Variants in PPY observed in about 807,000 individuals in gnomAD.
PPY encodes the protein pancreatic polypeptide, also known as pancreatic polypeptide prohormone.
A neutral mutation model predicts 9.3 loss-of-function variants in PPY; 6 were observed. The ratio of observed to expected loss-of-function variants is 0.64; its 90% CI spans 0.35 to 1.27. The LOEUF (loss-of-function observed/expected upper bound fraction) is 1.27. Among genes scored for constraint, PPY ranks in the 50% most tolerant of loss-of-function variants. PPY has a pLI of 0.03. For synonymous variants in PPY, 58 were observed against 54.6 expected, an observed-to-expected ratio of 1.06 and a Z score of -0.27; for missense variants, 109 against 119.1, an observed-to-expected ratio of 0.91 and a Z score of 0.40.
In PPY at chr17:43,941,162, G is replaced by A. The variant is rs1164161391; in HGVS notation, c.244C>T (p.Pro82Ser). ...ACTCACCTGGGGACAGCAGCATGCG[G>A]GGACCCCCACTCCGAGAAGGCCAGC... ...DTLAFSEWGS[P>S]HAAVPRELSP... The change falls in exon 3 of 4, where the codon CCG becomes TCG. Residue 82 changes from proline (P) to serine (S), a missense_variant. Transcript: ENST00000225992. 2 of 1,551,674 alleles carry A rather than the reference G, an allele frequency of 1.3e-6. No individual in the cohort carries two copies. The highest frequency in any genetic ancestry group is 4.9e-5 in the East Asian group (2 of 40,910).
At chr17:43,941,373 G>A in intron 2 of PPY, 91 bp downstream of exon 2, 1 of 1,576,698 alleles carries the variant, frequency 6.3e-7, no homozygotes, top group Non-Finnish European at 8.7e-7. Flanking sequence ...AAGGGGCTGG[G>A]GCTGGGGCTG....
At position 43,940,965 on chromosome 17, in the gene PPY, G is replaced by A. The variant is rs1456739116; in HGVS notation, c.264-13C>T. On this transcript the variant is annotated splice_polypyrimidine_tract_variant and intron_variant, in intron 3 of 3. Transcript: ENST00000225992. ...CGGGCTGAGCTCCCTGTGAGGACAG[G>A]GCAGAACATGGCAGTGTAGGGGGTA... 5 of 1,605,910 alleles carry A rather than the reference G, an allele frequency of 3.1e-6. No homozygotes were observed. Among genetic ancestry groups the A allele is most frequent in the Non-Finnish European group, 3.4e-6 (4 of 1,176,506 alleles).
At position 43,941,445 on chromosome 17, in the gene PPY, C is replaced by T; in HGVS notation, c.191+19G>A. Reference sequence around the variant, plus strand: ...GGGTCCCAGGGGCTGGGATCTCTCTCCCCAACTGTGGCACACACCTAGGCC... The same window carrying T: ...GGGTCCCAGGGGCTGGGATCTCTCTTCCCAACTGTGGCACACACCTAGGCC... On this transcript the variant is annotated intron_variant, in intron 2 of 3. Transcript: ENST00000225992. The T allele has an allele frequency of 6.2e-6, 10 of 1,613,514 alleles. No homozygotes were observed. The highest frequency in any genetic ancestry group is 7.6e-6 in the Non-Finnish European group (9 of 1,179,892).
upstream of PPY, among the ~76,000 whole-genome samples, chr17:43,944,185 T>C (rs1176461609): frequency 1.3e-5 from 2 of 152,122 alleles, no homozygotes; most frequent in Admixed American, 6.5e-5. Flanking sequence ...GCTCCAACCC[T>C]AGTTAAAAGG....
chr17:43,941,738 C>G, intron 1 of PPY, 84 bp from the exon 2 acceptor site: 3 of 1,354,656 alleles, frequency 2.2e-6, no homozygotes, highest in Non-Finnish European at 2.0e-6. Context: ...TATCCAGCCC[C>G]TTAGCCCATC....
Position 43,941,143 on chromosome 17 carries a change from C to G in PPY, c.263G>C (p.Arg88Thr). ...AGACAGGGCAGGGAGTCAAACTCAC[C>G]TGGGGACAGCAGCATGCGGGGACCC... The part of the protein sequence containing the change: ...EWGSPHAAVP[R>T]ELSPLDL The change falls in exon 3 of 4, where the codon AGG becomes ACG. Residue 88 changes from arginine to threonine, a missense_variant and splice_region_variant. By Grantham distance (71) the Arg-to-Thr change is moderately conservative. Transcript: ENST00000225992. The G allele has an allele frequency of 6.4e-7, 1 of 1,551,676 alleles. No homozygotes were observed. The highest frequency in any genetic ancestry group is 8.7e-7 in the Non-Finnish European group (1 of 1,146,986).
intron 3 of PPY, 49 bp from the exon 4 acceptor site, chr17:43,941,001 C>A: frequency 6.3e-7 from 1 of 1,577,194 alleles, no homozygotes; most frequent in Non-Finnish European, 8.6e-7. Context: ...GGCCTCGTGC[C>A]CTCAGGAGGC....
chr17:43,941,259 C>T (rs1049757979), intron 2 of PPY, 45 bp from the exon 3 acceptor site: 22 of 1,544,054 alleles, frequency 1.4e-5, no homozygotes, highest in Non-Finnish European at 1.7e-5. Flanking sequence ...GCCCAGGTGC[C>T]AGCCCACCTG....
chr17:43,941,518 A>G lies in PPY; in HGVS notation c.137T>C (p.Met46Thr), dbSNP rs142571199. 1 of 1,614,074 alleles carries G rather than the reference A, an allele frequency of 6.2e-7. No homozygotes were observed. Among genetic ancestry groups the G allele is most frequent in the Non-Finnish European group, 8.5e-7 (1 of 1,180,010 alleles). The change falls in exon 2 of 4, where the codon ATG becomes ACG. Residue 46 changes from methionine (M) to threonine (T), a missense_variant. Coordinates refer to ENST00000225992, the MANE Select transcript of PPY (RefSeq NM_002722.5). Reference sequence around the variant, plus strand: ...ACGGAGATCAGCTGCATACTGGGCCATCTGCTCTGGTGTGGCATTGTCCCC... The same window carrying G: ...ACGGAGATCAGCTGCATACTGGGCCGTCTGCTCTGGTGTGGCATTGTCCCC... ...YPGDNATPEQ[M>T]AQYAADLRRY...
At chr17:43,943,856 C>T (rs2048593563), upstream of PPY, among the ~76,000 whole-genome samples, 1 of 152,136 alleles carries the variant, frequency 6.6e-6, no homozygotes, top group South Asian at 2.1e-4. Context: ...CCTCTCTGAG[C>T]TTCACTTTTC....
Position 43,940,870 on chromosome 17 carries a change from G to T in PPY, c.*58C>A. 1 of 1,574,594 alleles carries T rather than the reference G, an allele frequency of 6.4e-7. No homozygotes were observed. Among genetic ancestry groups the T allele is most frequent in the Non-Finnish European group, 8.6e-7 (1 of 1,157,892 alleles). ...GCAAGCTTTGGCCAGAGCCAAGGGTGCAGAGGGGAGAGCTGGGCTGGCGCT... is the reference window on the plus strand; with the variant it reads ...GCAAGCTTTGGCCAGAGCCAAGGGTTCAGAGGGGAGAGCTGGGCTGGCGCT... On this transcript the variant is annotated 3_prime_UTR_variant, in exon 4 of 4. Coordinates refer to ENST00000225992, the MANE Select transcript of PPY (RefSeq NM_002722.5).
intron 2 of PPY, 116 bp downstream of exon 2, chr17:43,941,348 C>T (rs1342643695): frequency 1.3e-6 from 2 of 1,532,974 alleles, no homozygotes; most frequent in Non-Finnish European, 1.8e-6. Flanking sequence ...CCTGTTTTCC[C>T]AAGAGCAGGC....
intron 3 of PPY, 90 bp downstream of exon 3, chr17:43,941,053 C>T (rs979310566): frequency 2.6e-6 from 4 of 1,546,672 alleles, no homozygotes; most frequent in Admixed American, 2.0e-5. Flanking sequence ...CTTCCACCCC[C>T]CACTACACCT....
upstream of PPY, among the ~76,000 whole-genome samples, chr17:43,943,055 G>A (rs1212460382): frequency 6.6e-6 from 1 of 152,166 alleles, no homozygotes; most frequent in Non-Finnish European, 1.5e-5. Context: ...CATTTGGTGG[G>A]TGCATAGGAT....
Position 43,941,172 on chromosome 17 carries a change from C to A in PPY, c.234G>T (p.Glu78Asp), listed in dbSNP as rs1410170913. 2 of 1,551,616 alleles carry A rather than the reference C, an allele frequency of 1.3e-6. No individual in the cohort carries two copies. The highest frequency in any genetic ancestry group is 2.7e-5 in the African/African-American group (2 of 73,048). Residue 78 changes from glutamate to aspartate, a missense_variant, in exon 3 of 4, where the codon GAG becomes GAT. Physicochemically the swap from Glu to Asp is conservative, Grantham distance 45. Coordinates refer to ENST00000225992, the MANE Select transcript of PPY (RefSeq NM_002722.5). ...RHKEDTLAFS[E>D]WGSPHAAVPR... ...GGACAGCAGCATGCGGGGACCCCCACTCCGAGAAGGCCAGCGTGTCCTCTT... is the reference window on the plus strand; with the variant it reads ...GGACAGCAGCATGCGGGGACCCCCAATCCGAGAAGGCCAGCGTGTCCTCTT...
At chr17:43,943,599 T>C (rs2048591883), upstream of PPY, among the ~76,000 whole-genome samples, 1 of 152,116 alleles carries the variant, frequency 6.6e-6, no homozygotes, top group African/African-American at 2.4e-5. Context: ...CAAGGAGTGG[T>C]AACTGGCTGT....
upstream of PPY, among the ~76,000 whole-genome samples, chr17:43,942,802 C>T (rs2048587450): frequency 6.6e-6 from 1 of 152,202 alleles, no homozygotes; most frequent in Admixed American, 6.5e-5. The surrounding 1 kb of genome is among the most constrained non-coding windows in gnomAD (Gnocchi z 5.3). Flanking sequence ...GTTTTGGTCA[C>T]AGGCCTTGGA....
In PPY at chr17:43,941,603, C is replaced by T. The variant is rs1315747648; in HGVS notation, c.52G>A (p.Ala18Thr). The change falls in exon 2 of 4, where the codon GCT (alanine) becomes ACT (threonine). Residue 18 changes from alanine to threonine, a missense_variant. Transcript: ENST00000225992. ...CCCAGCAGTGGCTGTAGTAACAGAG[C>T]CACGCAGGTGGACAGGAGCAGCAGG... is the stretch of plus-strand genomic sequence containing the variant. ...LSLLLLSTCV[A>T]LLLQPLLGAQ... 2 of 1,613,392 alleles carry T rather than the reference C, an allele frequency of 1.2e-6. No homozygotes were observed. Among genetic ancestry groups the T allele is most frequent in the Admixed American group, 3.3e-5 (2 of 60,000 alleles).
At chr17:43,941,679 G>A (rs1337927168) in intron 1 of PPY, 25 bp from the exon 2 acceptor site, 12 of 1,564,974 alleles carry the variant, frequency 7.7e-6, no homozygotes, top group Admixed American at 3.8e-5. Context: ...GAGGGGAGGT[G>A]GAGAGCCCGG....
Sources: gnomAD v4.1 joint callset for allele counts (sites outside exome capture counted in the v4.1 genomes callset) on GRCh38, gnomAD v4.1.1 for gene constraint, Gnocchi (gnomAD v3.1) non-coding constraint, MANE v1.5 for transcripts, NCBI Gene and HGNC (gene_info 2026-07-23, HGNC 2026-07-21) for gene names.